TPD52: variants seen among roughly 807,000 people sequenced by gnomAD.
TPD52 encodes the protein prostate and colon associated protein.
TPD52 carries 17 observed loss-of-function variants against 31.3 expected under a neutral mutation model. That is an observed-to-expected ratio of 0.54 (90% confidence interval 0.37 to 0.82). The LOEUF (loss-of-function observed/expected upper bound fraction) is 0.82. TPD52 is among the 40% of genes least tolerant of loss of function. The pLI, the probability that TPD52 is intolerant of heterozygous loss-of-function variation, is 0.00. For missense variants in TPD52, 212 were observed against 240.1 expected (o/e 0.88, Z 0.77); for synonymous variants, 83 against 89.6 (o/e 0.93, Z 0.42).
chr8:80,137,937 CTTTTCTTTTTT>C (rs759705313), intron 1 of TPD52, among the ~76,000 whole-genome samples: 5 of 151,650 alleles, frequency 3.3e-5, no homozygotes, highest in Admixed American at 6.6e-5. Context: ...GACCCCGTCT[CTTTTCTTTTTT>C]TTTTCTTTTT....
intron 1 of TPD52, among the ~76,000 whole-genome samples, chr8:80,147,602 T>TAA (rs1810284655): frequency 6.6e-6 from 1 of 152,132 alleles, no homozygotes; most frequent in Admixed American, 6.6e-5. Context: ...TGTTGATTCT[T>TAA]TAGCACTACA....
chr8:80,119,858 G>T (rs1432831828), intron 1 of TPD52: 5 of 418,316 alleles, frequency 1.2e-5, no homozygotes, highest in Non-Finnish European at 2.3e-5. Context: ...CCTAATTCAA[G>T]CCAGAAATTC....
downstream of TPD52, among the ~76,000 whole-genome samples, chr8:80,033,882 T>G (rs1431353384): frequency 6.6e-6 from 1 of 152,096 alleles, no homozygotes; most frequent in Non-Finnish European, 1.5e-5. Flanking sequence ...AATGCATTAA[T>G]AGAGTTCTCG....
At chr8:80,171,218 C>T (rs1441776577) in intron 1 of TPD52, 5 of 711,622 alleles carry the variant, frequency 7.0e-6, no homozygotes, top group Non-Finnish European at 7.6e-6. Flanking sequence ...CTCACACATG[C>T]AGTCCCATCT....
intron 1 of TPD52, among the ~76,000 whole-genome samples, chr8:80,121,878 C>T (rs1373296576): frequency 2.0e-5 from 3 of 151,954 alleles, no homozygotes; most frequent in Admixed American, 1.3e-4. Context: ...CAGCTGAGTT[C>T]CTACAGCTAG....
At chr8:80,119,639 G>C (rs1034156527) in intron 1 of TPD52, among the ~76,000 whole-genome samples, 1 of 152,054 alleles carries the variant, frequency 6.6e-6, no homozygotes, top group Admixed American at 6.5e-5. Context: ...ATACCTTGCT[G>C]TTCATGTAAA....
chr8:80,084,838 C>G lies in TPD52; in HGVS notation c.20-20245G>C, dbSNP rs529965592. ...TGTAAGTTCCTACCCATTTAGCAAGCTCTACTTATTAAGTCACATATGAAT... is the reference window on the plus strand; with the variant it reads ...TGTAAGTTCCTACCCATTTAGCAAGGTCTACTTATTAAGTCACATATGAAT... On this transcript the variant is annotated intron_variant, in intron 1 of 7. Transcript: ENST00000518937. 3.3e-4 allele frequency among the ~76,000 whole-genome samples: 51 copies of G among 152,250 alleles called. 1 individual carries two copies. In the South Asian group the frequency reaches 0.01, roughly 31 times the overall value.
chr8:80,034,549 A>G (rs1179999545), downstream of TPD52, among the ~76,000 whole-genome samples: 3 of 152,124 alleles, frequency 2.0e-5, no homozygotes, highest in Non-Finnish European at 4.4e-5. Context: ...TAGTCATTTC[A>G]CCCATAGAAA....
intron 1 of TPD52, among the ~76,000 whole-genome samples, chr8:80,109,448 C>CCAAGCTGGAGTGCAATGGTG (rs1807355706): frequency 6.6e-6 from 1 of 152,134 alleles, no homozygotes; most frequent in African/African-American, 2.4e-5. Context: ...AGCTTGTCCC[C>CCAAGCTGGAGTGCAATGGTG]CAAGCTGGAG....
rs1453955984 is a variant in TPD52, at chr8:80,060,822, G to C, written c.135+3656C>G. 2.6e-5 allele frequency among the ~76,000 whole-genome samples: 4 copies of C among 150,956 alleles called. 1 individual carries two copies. Among genetic ancestry groups the C allele is most frequent in the South Asian group, 4.2e-4 (2 of 4,798 alleles). Reference sequence around the variant, plus strand: ...AGGAATAAAAGAGAACTTCCTCAACGCAAGTGCATTTGTGAAAAAAATGAC... The same window carrying C: ...AGGAATAAAAGAGAACTTCCTCAACCCAAGTGCATTTGTGAAAAAAATGAC... On this transcript the variant is annotated intron_variant, in intron 2 of 7. Transcript: ENST00000518937.
chr8:80,072,504 T>C (rs1586226609), intron 1 of TPD52, among the ~76,000 whole-genome samples: 2 of 38 alleles, frequency 0.053, 1 homozygote, highest in African/African-American at 0.33. Context: ...TGTATATACA[T>C]GTACACATAG....
intron 1 of TPD52, among the ~76,000 whole-genome samples, chr8:80,117,559 T>C (rs187779259): frequency 8.5e-4 from 130 of 152,218 alleles, no homozygotes; most frequent in African/African-American, 3.1e-3. Flanking sequence ...TGACAATACC[T>C]CTCAATCAAT....
At chr8:80,094,448 A>ATATG in intron 1 of TPD52, among the ~76,000 whole-genome samples, 1 of 59,132 alleles carries the variant, frequency 1.7e-5, no homozygotes, top group African/African-American at 1.1e-4. Context: ...ATATATATAT[A>ATATG]TATATATATA....
chr8:80,117,582 T>A (rs938217191), intron 1 of TPD52, among the ~76,000 whole-genome samples: 2 of 152,172 alleles, frequency 1.3e-5, no homozygotes, highest in South Asian at 4.1e-4. Flanking sequence ...ACAGATTCAG[T>A]GTAATGCCTA....
chr8:80,031,787 T>C (rs1393334324), downstream of TPD52, among the ~76,000 whole-genome samples: 1 of 150,342 alleles, frequency 6.7e-6, no homozygotes, highest in East Asian at 2.0e-4. Context: ...AGCCCAGGAG[T>C]TTGAGGCTGC....
intron 1 of TPD52, among the ~76,000 whole-genome samples, chr8:80,152,760 G>A (rs902803956): frequency 9.7e-5 from 12 of 124,324 alleles, no homozygotes; most frequent in Admixed American, 7.6e-4. Flanking sequence ...CAGCCTGGGC[G>A]AAAGTGTGAG....
intron 1 of TPD52, among the ~76,000 whole-genome samples, chr8:80,141,834 C>T (rs1359937137): frequency 1.3e-5 from 2 of 151,820 alleles, no homozygotes; most frequent in East Asian, 1.9e-4. Flanking sequence ...CACTTGAACC[C>T]AGGAGGCAGA....
At chr8:80,157,603 T>G (rs893110686) in intron 1 of TPD52, among the ~76,000 whole-genome samples, 4 of 152,270 alleles carry the variant, frequency 2.6e-5, no homozygotes, top group Admixed American at 2.0e-4. Context: ...GCTGCACAAA[T>G]CAGTCCCATA....
chr8:80,076,858 G>A (rs1814608366), intron 1 of TPD52, among the ~76,000 whole-genome samples: 1 of 152,160 alleles, frequency 6.6e-6, no homozygotes, highest in South Asian at 2.1e-4. Flanking sequence ...TTTTGGTAGA[G>A]ATGGGGTTTC....
Sources: allele counts gnomAD v4.1 joint callset (sites outside exome capture counted in the v4.1 genomes callset), GRCh38; gene constraint gnomAD v4.1.1; transcripts MANE v1.5; gene names NCBI Gene and HGNC (gene_info 2026-07-23, HGNC 2026-07-21).